Variants in DCLK1 observed in about 807,000 individuals in gnomAD.
DCLK1 encodes doublecortin like kinase 1, also known as serine/threonine-protein kinase DCLK1.
A neutral mutation model predicts 86.2 loss-of-function variants in DCLK1; 16 were observed. The ratio of observed to expected loss-of-function variants is 0.19; its 90% CI spans 0.13 to 0.28. The LOEUF (loss-of-function observed/expected upper bound fraction) is 0.28, where lower values mean the gene tolerates loss of function less well. Ranked by LOEUF, DCLK1 falls within the 10% of genes least tolerant of loss-of-function variation. The pLI, the probability that DCLK1 is intolerant of heterozygous loss-of-function variation, is 1.00. For missense variants in DCLK1, 590 were observed against 940.2 expected, an observed-to-expected ratio of 0.63 and a Z score of 4.87; for synonymous variants, 369 against 370.5, an observed-to-expected ratio of 1.00 and a Z score of 0.05.
chr13:35,864,209 T>C (rs1339857756), intron 5 of DCLK1, among the ~76,000 whole-genome samples: 1 of 152,188 alleles, frequency 6.6e-6, no homozygotes. Context: ...TGGGCCTCAG[T>C]TATGTCTGCT....
At chr13:36,119,201 T>C (rs1337381519) in intron 2 of DCLK1, among the ~76,000 whole-genome samples, 4 of 152,142 alleles carry the variant, frequency 2.6e-5, no homozygotes, top group Admixed American at 2.0e-4. Context: ...TATATCCAGG[T>C]AGTTGGAGTG....
chr13:36,126,396 C>A lies in DCLK1; in HGVS notation c.-19-240G>T, dbSNP rs550411644. On this transcript the variant is annotated intron_variant, in intron 1 of 16. Coordinates refer to ENST00000360631, the MANE Select transcript of DCLK1 (RefSeq NM_001330071.2). Reference sequence around the variant, plus strand: ...CTACAGGTTACAGGTGCCTGCACCACGCCTGGTTAATTTCCTTCATTTTTT... The same window carrying A: ...CTACAGGTTACAGGTGCCTGCACCAAGCCTGGTTAATTTCCTTCATTTTTT... Among the ~76,000 whole-genome samples, 12 of 152,080 alleles carry A rather than the reference C, an allele frequency of 7.9e-5. No individual in the cohort carries two copies. In the South Asian group the frequency reaches 2.5e-3, roughly 32 times the overall value.
At chr13:35,817,337 A>G (rs1038677700) in intron 11 of DCLK1, among the ~76,000 whole-genome samples, 4 of 152,036 alleles carry the variant, frequency 2.6e-5, no homozygotes, top group African/African-American at 9.7e-5. Flanking sequence ...TGCGTCTTCT[A>G]TTTTCCCTCA....
At chr13:36,044,824 A>G (rs1882820018) in intron 3 of DCLK1, among the ~76,000 whole-genome samples, 1 of 152,068 alleles carries the variant, frequency 6.6e-6, no homozygotes, top group African/African-American at 2.4e-5. Context: ...CAAAATAAAC[A>G]TATTTTTTTA....
At chr13:35,911,584 TAGG>T (rs1875036091) in intron 4 of DCLK1, among the ~76,000 whole-genome samples, 1 of 152,156 alleles carries the variant, frequency 6.6e-6, no homozygotes, top group Non-Finnish European at 1.5e-5. Context: ...ATGCCTTAAA[TAGG>T]AGGAGGCGGA....
At chr13:35,898,469 A>T in intron 4 of DCLK1, among the ~76,000 whole-genome samples, 1 of 152,256 alleles carries the variant, frequency 6.6e-6, no homozygotes, top group African/African-American at 2.4e-5. Flanking sequence ...AACATTTCTT[A>T]TACTATAAAG....
At chr13:35,851,120 G>A (rs972626048) in intron 6 of DCLK1, among the ~76,000 whole-genome samples, 4 of 152,046 alleles carry the variant, frequency 2.6e-5, no homozygotes, top group South Asian at 2.1e-4. Flanking sequence ...CCCATTCTTG[G>A]TAGAAAAGGA....
chr13:35,879,000 G>T (rs1872737566), intron 4 of DCLK1, among the ~76,000 whole-genome samples: 1 of 152,054 alleles, frequency 6.6e-6, no homozygotes, highest in African/African-American at 2.4e-5. Flanking sequence ...TGGCCAGGCT[G>T]GGCTCGAACT....
intron 2 of DCLK1, among the ~76,000 whole-genome samples, chr13:36,120,095 C>T (rs1885931239): frequency 6.6e-6 from 1 of 152,120 alleles, no homozygotes; most frequent in African/African-American, 2.4e-5. Context: ...AATATGACTT[C>T]CATTAAAATA....
intron 16 of DCLK1, chr13:35,788,377 G>A: frequency 8.8e-6 from 10 of 1,132,980 alleles, no homozygotes; most frequent in African/African-American, 1.5e-5. Flanking sequence ...GATTCTATAT[G>A]TATATATAGT....
At chr13:35,878,612 A>G (rs1307084727) in intron 4 of DCLK1, among the ~76,000 whole-genome samples, 2 of 152,204 alleles carry the variant, frequency 1.3e-5, no homozygotes, top group East Asian at 3.9e-4. Flanking sequence ...CAGGGTGACT[A>G]CAATGAAGAA....
chr13:36,050,618 T>C (rs1431314599), intron 3 of DCLK1, among the ~76,000 whole-genome samples: 1 of 152,174 alleles, frequency 6.6e-6, no homozygotes, highest in East Asian at 1.9e-4. Flanking sequence ...GGCCCCATTA[T>C]TTCATTCGTT....
chr13:36,048,547 G>A (rs1883011788), intron 3 of DCLK1, among the ~76,000 whole-genome samples: 1 of 152,106 alleles, frequency 6.6e-6, no homozygotes, highest in South Asian at 2.1e-4. Context: ...AAAGTCCTGA[G>A]TCCCTCTGAA....
At chr13:35,883,752 A>G (rs995187543) in intron 4 of DCLK1, among the ~76,000 whole-genome samples, 1 of 152,176 alleles carries the variant, frequency 6.6e-6, no homozygotes, top group Non-Finnish European at 1.5e-5. Context: ...ATAGAAAACA[A>G]TGACTTGGAG....
chr13:35,987,970 C>T (rs534244629), intron 3 of DCLK1, among the ~76,000 whole-genome samples: 6 of 152,334 alleles, frequency 3.9e-5, no homozygotes, highest in African/African-American at 1.4e-4. Flanking sequence ...GGTCCCCAGT[C>T]TCAGGCCAGC....
At chr13:35,854,423 C>T (rs1304515284) in intron 6 of DCLK1, 76 bp downstream of exon 6, 13 of 1,213,674 alleles carry the variant, frequency 1.1e-5, no homozygotes, top group Admixed American at 1.1e-4. Flanking sequence ...ACGAGCAGCA[C>T]GATTTGCTGG....
At chr13:35,848,063 GA>G in intron 6 of DCLK1, 1 of 985,258 alleles carries the variant, frequency 1.0e-6, no homozygotes, top group Non-Finnish European at 1.2e-6. Context: ...CTACATCTAA[GA>G]AAAAAGTGAG....
chr13:36,077,376 C>T (rs1279465651), intron 3 of DCLK1, among the ~76,000 whole-genome samples: 4 of 152,088 alleles, frequency 2.6e-5, no homozygotes, highest in Non-Finnish European at 5.9e-5. Flanking sequence ...AATCTACTTG[C>T]CCCCCTTCTA....
chr13:35,799,564 T>C (rs994297746), intron 15 of DCLK1, among the ~76,000 whole-genome samples: 1 of 152,182 alleles, frequency 6.6e-6, no homozygotes, highest in African/African-American at 2.4e-5. Flanking sequence ...AGTTTTTTTT[T>C]AATCTATTAA....
Sources: gnomAD v4.1 joint callset for allele counts (sites outside exome capture counted in the v4.1 genomes callset) on GRCh38, gnomAD v4.1.1 for gene constraint, MANE v1.5 for transcripts, NCBI Gene and HGNC (gene_info 2026-07-23, HGNC 2026-07-21) for gene names.